Variants in PCDHA9 observed in about 807,000 individuals in gnomAD.
PCDHA9 encodes protocadherin alpha 9.
In PCDHA9, 62 loss-of-function variants were observed where a neutral mutation model predicts 62.0. The ratio of observed to expected loss-of-function variants is 1.00; its 90% CI spans 0.81 to 1.23. The LOEUF (loss-of-function observed/expected upper bound fraction) is 1.23, where lower values mean the gene tolerates loss of function less well. Ranked by LOEUF, PCDHA9 falls within the 50% of genes most tolerant of loss-of-function variation. PCDHA9 has a pLI of 0.00. For synonymous variants in PCDHA9, 557 were observed against 567.6 expected (o/e 0.98, Z 0.27); for missense variants, 1,205 against 1,249.8 (o/e 0.96, Z 0.54).
intron 1 of PCDHA9, among the ~76,000 whole-genome samples, chr5:140,907,623 G>T (rs553186767): frequency 6.6e-6 from 1 of 152,352 alleles, no homozygotes; most frequent in East Asian, 1.9e-4. Context: ...AGGGCTCAGT[G>T]TTGGTCTCTG....
chr5:140,973,209 C>T (rs1273068326), intron 1 of PCDHA9, among the ~76,000 whole-genome samples: 4 of 152,100 alleles, frequency 2.6e-5, no homozygotes, highest in Non-Finnish European at 4.4e-5. Flanking sequence ...GCATATTCAC[C>T]CTAATTCCAG....
intron 1 of PCDHA9, among the ~76,000 whole-genome samples, chr5:140,960,222 A>G (rs1364451029): frequency 2.6e-5 from 4 of 152,206 alleles, no homozygotes; most frequent in African/African-American, 9.6e-5. Flanking sequence ...ATCTCAAGAA[A>G]CAGAGCCATG....
chr5:140,916,022 A>G (rs982398362), intron 1 of PCDHA9, among the ~76,000 whole-genome samples: 1 of 151,978 alleles, frequency 6.6e-6, no homozygotes, highest in Non-Finnish European at 1.5e-5. Context: ...AGTCTTTCCC[A>G]TTCTTCCCTC....
chr5:140,958,035 T>G (rs1284725890), intron 1 of PCDHA9, among the ~76,000 whole-genome samples: 2 of 152,120 alleles, frequency 1.3e-5, no homozygotes, highest in African/African-American at 4.8e-5. Context: ...ATGCTTTCTT[T>G]GCTTGTGATA....
rs571034520 is a variant in PCDHA9 at position 140,922,140 on chromosome 5, A to G, written c.2395-56809A>G. ...CACCTTTAAATGTCTCTTATCCTCC[A>G]TGAAACTCATCAAAAACAACAAAAA... On this transcript the variant is annotated intron_variant, in intron 1 of 3. Coordinates refer to ENST00000532602, the MANE Select transcript of PCDHA9 (RefSeq NM_031857.2). Among the ~76,000 whole-genome samples the G allele has an allele frequency of 6.6e-5, 10 of 152,202 alleles. No individual in the cohort carries two copies. The East Asian group carries it at 1.9e-3, about 29-fold the overall frequency.
chr5:140,943,823 G>A (rs1431339857), intron 1 of PCDHA9, among the ~76,000 whole-genome samples: 3 of 152,206 alleles, frequency 2.0e-5, no homozygotes, highest in African/African-American at 7.2e-5. Flanking sequence ...AAGAAAATGA[G>A]TTGATTGAAG....
At chr5:140,992,020 TGTGTG>T (rs1460938904) in intron 3 of PCDHA9, among the ~76,000 whole-genome samples, 1 of 51,270 alleles carries the variant, frequency 2.0e-5, no homozygotes, top group African/African-American at 5.9e-5. Flanking sequence ...GGTGGCTCTG[TGTGTG>T]TGTGTGTGTG....
chr5:140,912,261 C>T (rs2075834049), intron 1 of PCDHA9, among the ~76,000 whole-genome samples: 2 of 152,116 alleles, frequency 1.3e-5, no homozygotes, highest in Non-Finnish European at 2.9e-5. Context: ...TTGATGACAC[C>T]CTCACAGATA....
At chr5:140,936,527 T>G (rs533687361) in intron 1 of PCDHA9, among the ~76,000 whole-genome samples, 3 of 152,368 alleles carry the variant, frequency 2.0e-5, no homozygotes, top group African/African-American at 7.2e-5. Context: ...CTGAAATTGC[T>G]TTTGAATATA....
intron 3 of PCDHA9, among the ~76,000 whole-genome samples, chr5:140,989,886 C>T (rs954644773): frequency 1.3e-5 from 2 of 151,784 alleles, no homozygotes. Flanking sequence ...CACTTGGAGT[C>T]TCCGTTATTC....
intron 1 of PCDHA9, among the ~76,000 whole-genome samples, chr5:140,879,111 T>A (rs1056977716): frequency 2.0e-4 from 30 of 152,184 alleles, no homozygotes; most frequent in African/African-American, 7.2e-4. Flanking sequence ...ATGGTGTAAT[T>A]GAAGGATTAG....
chr5:140,857,659 C>T, intron 1 of PCDHA9: 1 of 1,596,596 alleles, frequency 6.3e-7, no homozygotes, highest in South Asian at 1.1e-5. Context: ...TGAGCGCGCG[C>T]GATGGGGGCG....
chr5:140,897,997 G>C (rs1174176296), intron 1 of PCDHA9, among the ~76,000 whole-genome samples: 1 of 152,168 alleles, frequency 6.6e-6, no homozygotes, highest in Non-Finnish European at 1.5e-5. Context: ...CTTTTGAGAA[G>C]TGTCTGTTCA....
intron 1 of PCDHA9, among the ~76,000 whole-genome samples, chr5:140,920,661 T>C (rs1301918138): frequency 3.9e-5 from 6 of 152,042 alleles, no homozygotes; most frequent in African/African-American, 1.4e-4. Flanking sequence ...CTTGCCAACA[T>C]GGTGAAACCC....
At chr5:140,866,073 G>A (rs1329544131) in intron 1 of PCDHA9, 1 of 152,068 alleles carries the variant, frequency 6.6e-6, no homozygotes, top group Non-Finnish European at 1.5e-5. Flanking sequence ...ACTGAGATAG[G>A]TATTTTGGTT....
At chr5:140,875,264 C>T (rs1017689371) in intron 1 of PCDHA9, 10 of 1,189,206 alleles carry the variant, frequency 8.4e-6, no homozygotes, top group Non-Finnish European at 1.0e-5. Flanking sequence ...TGATGTCGCT[C>T]TACACTCAGA....
chr5:140,941,214 C>CCTTCCTTTCTTTCTTT (rs1554214040), intron 1 of PCDHA9, among the ~76,000 whole-genome samples: 12 of 122,414 alleles, frequency 9.8e-5, no homozygotes, highest in Admixed American at 6.8e-4. Flanking sequence ...TTTCTTTCTT[C>CCTTCCTTTCTTTCTTT]CTTTCTTTCT....
intron 1 of PCDHA9, chr5:140,852,361 T>A (rs1235352793): frequency 4.9e-6 from 1 of 205,518 alleles, no homozygotes; most frequent in East Asian, 1.9e-4. Context: ...CACTGCAACG[T>A]CTGCCTCCTG....
At chr5:140,870,239 G>C (rs781847723) in intron 1 of PCDHA9, 6 of 1,614,134 alleles carry the variant, frequency 3.7e-6, no homozygotes, top group Non-Finnish European at 4.2e-6. Flanking sequence ...CGTGACTCAG[G>C]TGTCAACGGA....
Sources: gnomAD v4.1 joint callset for allele counts (sites outside exome capture counted in the v4.1 genomes callset) on GRCh38, gnomAD v4.1.1 for gene constraint, MANE v1.5 for transcripts, NCBI Gene and HGNC (gene_info 2026-07-23, HGNC 2026-07-21) for gene names.